EVI5: variants seen among roughly 807,000 people sequenced by gnomAD.
EVI5 encodes ecotropic viral integration site 5 protein homolog.
EVI5 carries 73 observed loss-of-function variants against 112.0 expected under a neutral mutation model. That is an observed-to-expected ratio of 0.65 (90% CI 0.54 to 0.79). The LOEUF is 0.79. EVI5 is among the 30% of genes least tolerant of loss of function. EVI5 has a pLI of 0.00. For missense variants in EVI5, 900 were observed against 968.8 expected (o/e 0.93, Z 0.94); for synonymous variants, 305 against 319.9 (o/e 0.95, Z 0.50).
intron 10 of EVI5, among the ~76,000 whole-genome samples, chr1:92,671,893 C>A (rs1369638973): frequency 1.3e-5 from 2 of 150,522 alleles, no homozygotes; most frequent in African/African-American, 4.9e-5. Context: ...GCCTCAAATT[C>A]CCTGGTTCTA....
chr1:92,571,893 A>C (rs1470898982), intron 18 of EVI5, among the ~76,000 whole-genome samples: 1 of 152,216 alleles, frequency 6.6e-6, no homozygotes, highest in Non-Finnish European at 1.5e-5. Flanking sequence ...TAATTAGGTA[A>C]GTAACAAACT....
chr1:92,529,537 A>G (rs1662487220), intron 19 of EVI5, among the ~76,000 whole-genome samples: 1 of 152,222 alleles, frequency 6.6e-6, no homozygotes, highest in Non-Finnish European at 1.5e-5. Context: ...GGGTATAAAT[A>G]TAAAAATAAA....
At chr1:92,550,813 T>TATATATATAA (rs1346523555) in intron 19 of EVI5, among the ~76,000 whole-genome samples, 49 of 80,110 alleles carry the variant, frequency 6.1e-4, no homozygotes, top group East Asian at 2.7e-3. Context: ...TATATATATA[T>TATATATATAA]AACAAAAAAA....
Position 92,591,490 on chromosome 1 carries a change from C to T in EVI5, c.2070+13817G>A, listed in dbSNP as rs548243319. 3.3e-5 allele frequency among the ~76,000 whole-genome samples: 5 copies of T among 152,176 alleles called. No homozygotes were observed. The South Asian group carries it at 1.0e-3, about 32-fold the overall frequency. On this transcript the variant is annotated intron_variant, in intron 18 of 19. Coordinates refer to ENST00000684568, the MANE Select transcript of EVI5 (RefSeq NM_001350197.2). ...GTTTCCAATAAAACAGACTTTAAAC[C>T]AACAAAGATCAAAAGAGACAAAGAA...
At chr1:92,768,011 C>T (rs1487547945) in intron 1 of EVI5, among the ~76,000 whole-genome samples, 5 of 149,504 alleles carry the variant, frequency 3.3e-5, no homozygotes, top group South Asian at 2.1e-4. Flanking sequence ...ACCTCGGAGG[C>T]GGAGGTTGCA....
intron 14 of EVI5, among the ~76,000 whole-genome samples, chr1:92,634,251 T>C (rs139870108): frequency 0.018 from 2,667 of 152,320 alleles, 92 homozygotes; most frequent in African/African-American, 0.06. Context: ...GGGGAAGTTC[T>C]CCTGGATAAT....
chr1:92,607,511 C>T (rs778232525), intron 17 of EVI5, 70 bp downstream of exon 17: 43 of 1,096,516 alleles, frequency 3.9e-5, no homozygotes, highest in African/African-American at 6.6e-5. Flanking sequence ...AATCTAATCA[C>T]GATAAAACAA....
intron 13 of EVI5, among the ~76,000 whole-genome samples, chr1:92,649,531 G>T (rs1363767147): frequency 6.6e-6 from 1 of 152,184 alleles, no homozygotes; most frequent in African/African-American, 2.4e-5. Context: ...AAATCATAAA[G>T]TTGGCTGAGC....
chr1:92,790,823 CAAAA>C (rs796844421), intron 1 of EVI5, among the ~76,000 whole-genome samples: 1 of 124,212 alleles, frequency 8.1e-6, no homozygotes, highest in Non-Finnish European at 1.7e-5. Flanking sequence ...GATCCTGTCT[CAAAA>C]AAAAAAAAAA....
At chr1:92,610,598 T>C (rs1293460303) in intron 16 of EVI5, among the ~76,000 whole-genome samples, 1 of 151,940 alleles carries the variant, frequency 6.6e-6, no homozygotes, top group Non-Finnish European at 1.5e-5. Flanking sequence ...CAAGTCACTA[T>C]CAAAAAAAAT....
At chr1:92,592,731 A>C (rs1232762981) in intron 18 of EVI5, among the ~76,000 whole-genome samples, 1 of 152,208 alleles carries the variant, frequency 6.6e-6, no homozygotes, top group African/African-American at 2.4e-5. Context: ...AAAATGATAA[A>C]GGGGATATCA....
Position 92,513,542 on chromosome 1 carries a change from T to TGAAAC in EVI5, c.*113_*114insGTTTC. ...ATATATATATATATATATATATATA[T>TGAAAC]ATATATATATATATATATATATATG... On this transcript the variant is annotated 3_prime_UTR_variant, in exon 20 of 20. Transcript: ENST00000684568. 1 of 14,010 alleles carries TGAAAC rather than the reference T, an allele frequency of 7.1e-5. No individual in the cohort carries two copies. Among genetic ancestry groups the TGAAAC allele is most frequent in the Non-Finnish European group, 1.1e-4 (1 of 8,890 alleles). The allele number at this position is 14,010 out of a possible 1,614,324, so 0.9% of individuals were successfully genotyped here.
upstream of EVI5, among the ~76,000 whole-genome samples, chr1:92,789,728 GT>G (rs1685947213): frequency 6.6e-6 from 1 of 152,124 alleles, no homozygotes; most frequent in African/African-American, 2.4e-5. Context: ...CTTGGCAAGG[GT>G]TAAACCCTGG....
At chr1:92,780,819 G>C (rs971695785) in intron 1 of EVI5, among the ~76,000 whole-genome samples, 2 of 151,238 alleles carry the variant, frequency 1.3e-5, no homozygotes, top group African/African-American at 4.9e-5. Flanking sequence ...GGGTGATACA[G>C]TGAGACCTTG....
intron 14 of EVI5, among the ~76,000 whole-genome samples, chr1:92,631,634 A>G (rs1657130167): frequency 6.6e-6 from 1 of 152,154 alleles, no homozygotes; most frequent in African/African-American, 2.4e-5. Flanking sequence ...AAACAGGGAC[A>G]ATTTGACTTC....
intron 2 of EVI5, among the ~76,000 whole-genome samples, chr1:92,713,017 G>A (rs912379247): frequency 2.6e-5 from 4 of 151,394 alleles, no homozygotes; most frequent in African/African-American, 9.7e-5. Context: ...CAAACTCCTG[G>A]GCTTAAGCAA....
intron 18 of EVI5, among the ~76,000 whole-genome samples, chr1:92,591,986 G>A (rs1484898696): frequency 3.9e-5 from 6 of 152,242 alleles, no homozygotes; most frequent in African/African-American, 1.4e-4. Context: ...GCTCACGCTT[G>A]TAATCCCAGC....
intron 1 of EVI5, among the ~76,000 whole-genome samples, chr1:92,766,164 C>T (rs1309435274): frequency 6.7e-6 from 1 of 149,392 alleles, no homozygotes; most frequent in African/African-American, 2.5e-5. Context: ...AATAAGAACA[C>T]TGGAAAACTG....
At chr1:92,764,100 T>C (rs995729800) in intron 1 of EVI5, among the ~76,000 whole-genome samples, 7 of 152,216 alleles carry the variant, frequency 4.6e-5, no homozygotes, top group Admixed American at 2.0e-4. Context: ...AGTATGAGTT[T>C]GTGTTTTAGC....
Sources: gnomAD v4.1 joint callset for allele counts (sites outside exome capture counted in the v4.1 genomes callset) on GRCh38, gnomAD v4.1.1 for gene constraint, MANE v1.5 for transcripts, NCBI Gene and HGNC (gene_info 2026-07-23, HGNC 2026-07-21) for gene names.